Variants in CSTPP1 observed in about 807,000 individuals in gnomAD.
CSTPP1 encodes the protein centriolar satellite-associated tubulin polyglutamylase complex regulator 1.
At chr11:47,104,110 C>T in the CSTPP1 span, among the ~76,000 whole-genome samples, 1 of 152,196 alleles carries the variant, frequency 6.6e-6, no homozygotes, top group Non-Finnish European at 1.5e-5. Context: ...CATGGTGCGA[C>T]AATGAGCACT....
At chr11:47,118,266 C>T in the CSTPP1 span, among the ~76,000 whole-genome samples, 11 of 152,260 alleles carry the variant, frequency 7.2e-5, no homozygotes, top group South Asian at 2.3e-3. Context: ...GTGCATGCGT[C>T]ACGAAGTTCT....
chr11:47,043,449 C>G, the CSTPP1 span, among the ~76,000 whole-genome samples: 1 of 152,016 alleles, frequency 6.6e-6, no homozygotes, highest in Non-Finnish European at 1.5e-5. Context: ...GGTCCAACCT[C>G]CTTAGGGGTA....
the CSTPP1 span, chr11:46,936,950 CGG>C: frequency 3.6e-6 from 2 of 561,264 alleles, no homozygotes; most frequent in African/African-American, 5.1e-5. Context: ...GGATCGGGTC[CGG>C]GTGGTATGGG....
the CSTPP1 span, among the ~76,000 whole-genome samples, chr11:47,149,855 C>A: frequency 6.6e-6 from 1 of 151,980 alleles, no homozygotes; most frequent in South Asian, 2.1e-4. Context: ...GGAAGAAGCC[C>A]TTTGGGAAGT....
At chr11:47,065,977 T>TTGTGTG in the CSTPP1 span, among the ~76,000 whole-genome samples, 13,539 of 146,030 alleles carry the variant, frequency 0.093, 663 homozygotes, top group African/African-American at 0.13. Context: ...GGTCTAACAG[T>TTGTGTG]TGTGTGTGTG....
chr11:47,164,181 G>A, the CSTPP1 span: 2 of 1,613,826 alleles, frequency 1.2e-6, no homozygotes, highest in African/African-American at 2.7e-5. Flanking sequence ...AGAGAAGCAG[G>A]AGGCCCTGGA....
At chr11:46,988,041 G>C in the CSTPP1 span, among the ~76,000 whole-genome samples, 2 of 151,984 alleles carry the variant, frequency 1.3e-5, no homozygotes, top group Admixed American at 6.6e-5. Flanking sequence ...ACAATGGCTT[G>C]TATCCTAAAG....
chr11:46,992,650 G>C, the CSTPP1 span, among the ~76,000 whole-genome samples: 1 of 152,028 alleles, frequency 6.6e-6, no homozygotes, highest in Non-Finnish European at 1.5e-5. Context: ...ATGGACATTT[G>C]GGTTGGTTCC....
the CSTPP1 span, among the ~76,000 whole-genome samples, chr11:47,125,771 CTTT>C: frequency 6.6e-6 from 1 of 152,160 alleles, no homozygotes; most frequent in Non-Finnish European, 1.5e-5. Context: ...AATCCCAGCA[CTTT>C]GGGAGGCCAA....
chr11:46,958,397 G>A, the CSTPP1 span, among the ~76,000 whole-genome samples: 591 of 152,262 alleles, frequency 3.9e-3, 2 homozygotes, highest in African/African-American at 0.014. Flanking sequence ...GACTGTTTAT[G>A]TTATTGGTAA....
At chr11:47,062,844 T>C in the CSTPP1 span, among the ~76,000 whole-genome samples, 1 of 152,190 alleles carries the variant, frequency 6.6e-6, no homozygotes, top group Non-Finnish European at 1.5e-5. Flanking sequence ...TCAATTTCAG[T>C]TTCACTTGAA....
chr11:47,135,442 G>A, the CSTPP1 span, among the ~76,000 whole-genome samples: 1 of 152,158 alleles, frequency 6.6e-6, no homozygotes, highest in African/African-American at 2.4e-5. Context: ...AAGGGAACAA[G>A]CTCCCATATG....
the CSTPP1 span, among the ~76,000 whole-genome samples, chr11:46,968,080 G>C: frequency 6.6e-6 from 1 of 150,920 alleles, no homozygotes; most frequent in Non-Finnish European, 1.5e-5. Context: ...TTCTTTTCAT[G>C]CTGGCTGAAA....
the CSTPP1 span, among the ~76,000 whole-genome samples, chr11:47,037,100 G>C: frequency 1.6e-5 from 2 of 127,456 alleles, no homozygotes; most frequent in African/African-American, 5.0e-5. Flanking sequence ...GAAGTGATCA[G>C]AGAATTATGT....
chr11:46,959,163 T>C, the CSTPP1 span, among the ~76,000 whole-genome samples: 2 of 152,130 alleles, frequency 1.3e-5, no homozygotes, highest in South Asian at 4.1e-4. Flanking sequence ...TTTCTGAGAA[T>C]ATTAATTGTA....
the CSTPP1 span, among the ~76,000 whole-genome samples, chr11:46,964,231 T>C: frequency 6.6e-6 from 1 of 152,074 alleles, no homozygotes; most frequent in Non-Finnish European, 1.5e-5. Context: ...AACTGTTTTC[T>C]CTAGCTATGC....
chr11:47,042,461 G>A, the CSTPP1 span, among the ~76,000 whole-genome samples: 35 of 151,320 alleles, frequency 2.3e-4, no homozygotes, highest in Non-Finnish European at 4.7e-4. Flanking sequence ...ATATGTCTGT[G>A]TGTGTGTGTG....
At chr11:47,161,716 C>G in the CSTPP1 span, 4 of 1,516,940 alleles carry the variant, frequency 2.6e-6, no homozygotes, top group African/African-American at 5.5e-5. Flanking sequence ...AGCCTCCTCT[C>G]CAGCACCTTG....
At chr11:46,948,177 C>CA in the CSTPP1 span, 3 of 456,212 alleles carry the variant, frequency 6.6e-6, no homozygotes, top group Non-Finnish European at 1.3e-5. Context: ...AAGTAGGCAA[C>CA]ACACAAAGAA....
Sources: allele counts gnomAD v4.1 joint callset (sites outside exome capture counted in the v4.1 genomes callset), GRCh38; gene constraint gnomAD v4.1.1; transcripts MANE v1.5; gene names NCBI Gene and HGNC (gene_info 2026-07-23, HGNC 2026-07-21).